The following CYP4V2 variants were observed in gnomAD, a reference collection of about 807,000 sequenced individuals.
CYP4V2 encodes the protein cytochrome P450 4V2.
CYP4V2 carries 55 observed loss-of-function variants against 60.8 expected under a neutral mutation model. That is an observed-to-expected ratio of 0.90 (90% CI 0.73 to 1.13). The LOEUF is 1.13. CYP4V2 is among the 50% of genes most tolerant of loss of function. The probability of loss-of-function intolerance (pLI) is 0.00; values close to 1 mark genes in which losing one functional copy is unlikely to be tolerated. For missense variants in CYP4V2, 675 were observed against 662.9 expected (o/e 1.02, Z -0.20); for synonymous variants, 239 against 236.8 (o/e 1.01, Z -0.08).
intron 5 of CYP4V2, 127 bp from the exon 6 acceptor site, chr4:186,198,830 C>T: frequency 1.4e-6 from 2 of 1,436,024 alleles, no homozygotes; most frequent in Admixed American, 1.8e-5. Flanking sequence ...ACATGGAGCT[C>T]TTAGTAGCCT....
chr4:186,207,542 A>G (rs1303298788), intron 8 of CYP4V2, among the ~76,000 whole-genome samples: 1 of 147,348 alleles, frequency 6.8e-6, no homozygotes, highest in Non-Finnish European at 1.5e-5. Context: ...ATTATATAAT[A>G]TATAAAATAT....
At chr4:186,196,902 G>C (rs761621320) in intron 3 of CYP4V2, 38 bp from the exon 4 acceptor site, 33 of 1,564,770 alleles carry the variant, frequency 2.1e-5, no homozygotes, top group Non-Finnish European at 2.8e-5. Context: ...CTCTCTCTCT[G>C]TAGATATATT....
At chr4:186,206,288 G>C (rs1410842946) in intron 8 of CYP4V2, among the ~76,000 whole-genome samples, 1 of 152,156 alleles carries the variant, frequency 6.6e-6, no homozygotes, top group Non-Finnish European at 1.5e-5. Context: ...ATGGCGTTCA[G>C]GGCTCACCTG....
At chr4:186,192,456 G>A (rs980997862) in intron 1 of CYP4V2, 2 of 344,044 alleles carry the variant, frequency 5.8e-6, no homozygotes, top group African/African-American at 4.3e-5. Context: ...TGGAAAATAA[G>A]AGACTAGAGA....
At chr4:186,209,515 A>T (rs1736642384) in intron 10 of CYP4V2, among the ~76,000 whole-genome samples, 2 of 152,230 alleles carry the variant, frequency 1.3e-5, no homozygotes, top group South Asian at 4.1e-4. Context: ...TGGCTTAAAC[A>T]GCAGAAATTT....
chr4:186,209,125 G>T lies in CYP4V2; in HGVS notation c.1258G>T (p.Val420Phe), dbSNP rs1044405297. Residue 420 changes from valine to phenylalanine, a missense_variant, in exon 10 of 11, where the codon GTC becomes TTC. Physicochemically the swap from Val to Phe is conservative, Grantham distance 50. Transcript: ENST00000378802. ...GYRVLKGTEA[V>F]IIPYALHRDP... ...CAGAGTTCTAAAAGGCACTGAAGCC[G>T]TCATCATTCCCTATGCATTGCACAG... 1 of 1,614,082 alleles carries T rather than the reference G, an allele frequency of 6.2e-7. No homozygotes were observed. Among genetic ancestry groups the T allele is most frequent in the East Asian group, 2.2e-5 (1 of 44,876 alleles).
chr4:186,196,185 A>G, intron 3 of CYP4V2, 97 bp downstream of exon 3: 1 of 1,066,866 alleles, frequency 9.4e-7, no homozygotes, highest in Non-Finnish European at 1.4e-6. Flanking sequence ...CTTTTTCTGT[A>G]GCAGGACTGT....
chr4:186,201,126 G>A, intron 6 of CYP4V2, 31 bp from the exon 7 acceptor site: 1 of 1,611,516 alleles, frequency 6.2e-7, no homozygotes, highest in East Asian at 2.2e-5. Flanking sequence ...AGTCCAAACA[G>A]AAGCATGTGA....
At chr4:186,200,717 G>T (rs1042536092) in intron 6 of CYP4V2, among the ~76,000 whole-genome samples, 1 of 152,106 alleles carries the variant, frequency 6.6e-6, no homozygotes, top group Non-Finnish European at 1.5e-5. Context: ...AGCAGAAATC[G>T]CAAGCATAGA....
Position 186,201,272 on chromosome 4 carries a change from T to C in CYP4V2, c.917T>C (p.Val306Ala), listed in dbSNP as rs1736299125. Reference protein sequence around the residue: ...RRAFLDLLLSVTDDEGNRLSH... With the variant: ...RRAFLDLLLSATDDEGNRLSH... ...GCCTTTCTTGACTTGCTTTTAAGTG[T>C]GACTGATGACGAAGGGAACAGGCTA... Residue 306 changes from valine to alanine, a missense_variant, in exon 7 of 11, where the codon GTG (valine) becomes GCG (alanine). Physicochemically the swap from Val to Ala is moderately conservative, Grantham distance 64. Transcript: ENST00000378802. 6.2e-7 allele frequency: 1 copy of C among 1,614,168 alleles called. No individual in the cohort carries two copies. Among genetic ancestry groups the C allele is most frequent in the Middle Eastern group, 1.6e-4 (1 of 6,062 alleles).
chr4:186,191,747 G>T lies in CYP4V2; in HGVS notation c.-77G>T. ...CCGCGCGGGGAAGTGGGCGGTGTGC[G>T]GCCGGCACCGCCTCGCACCACGCCC... On this transcript the variant is annotated 5_prime_UTR_variant, in exon 1 of 11. Coordinates refer to ENST00000378802, the MANE Select transcript of CYP4V2 (RefSeq NM_207352.4). 5 of 1,301,412 alleles carry T rather than the reference G, an allele frequency of 3.8e-6. No homozygotes were observed. The highest frequency in any genetic ancestry group is 4.9e-6 in the Non-Finnish European group (5 of 1,018,816). 80.6% of individuals were successfully genotyped at this position (1,301,412 alleles called of 1,614,324 possible).
Position 186,197,259 on chromosome 4 carries a change from C to T in CYP4V2, c.604+129C>T, listed in dbSNP as rs1052037375. On this transcript the variant is annotated intron_variant, in intron 4 of 10. Transcript: ENST00000378802. ...TGACGGGCTCTTCAGCGCGGTTCTACGACCGCACTGGCCTTCTGAGGAGCA... is the reference window on the plus strand; with the variant it reads ...TGACGGGCTCTTCAGCGCGGTTCTATGACCGCACTGGCCTTCTGAGGAGCA... 27 of 1,171,836 alleles carry T rather than the reference C, an allele frequency of 2.3e-5. 1 individual carries two copies. Among genetic ancestry groups the T allele is most frequent in the Middle Eastern group, 2.6e-4 (1 of 3,792 alleles). The allele number at this position is 1,171,836 out of a possible 1,614,324, so 72.6% of individuals were successfully genotyped here. A position where few individuals can be genotyped will look rare whatever the true frequency, so the allele number is the denominator to read the frequency against.
At chr4:186,200,842 CATT>C (rs1736284319) in intron 6 of CYP4V2, among the ~76,000 whole-genome samples, 2 of 152,066 alleles carry the variant, frequency 1.3e-5, no homozygotes, top group Non-Finnish European at 2.9e-5. Flanking sequence ...AACTTTTTCT[CATT>C]AGCGCAATCC....
chr4:186,192,655 C>A (rs576532862), intron 1 of CYP4V2, among the ~76,000 whole-genome samples: 1 of 152,286 alleles, frequency 6.6e-6, no homozygotes, highest in African/African-American at 2.4e-5. Context: ...TAATTAAAAT[C>A]ATGTTTTAAA....
chr4:186,210,414 C>T (rs1331098892), intron 10 of CYP4V2, 55 bp from the exon 11 acceptor site: 2 of 1,610,998 alleles, frequency 1.2e-6, no homozygotes, highest in Admixed American at 1.7e-5. Context: ...CCTCTTGTTT[C>T]TCACATTTGG....
Position 186,195,948 on chromosome 4 carries a change from C to T in CYP4V2, c.328-55C>T. 2.4e-6 allele frequency: 3 copies of T among 1,245,520 alleles called. No homozygotes were observed. The highest frequency in any genetic ancestry group is 3.5e-6 in the Non-Finnish European group (3 of 849,276). The allele number at this position is 1,245,520 out of a possible 1,614,324, so 77.2% of individuals were successfully genotyped here. A position where few individuals can be genotyped will look rare whatever the true frequency, so the allele number is the denominator to read the frequency against. ...ATTCTAGCCAGTATTCCTATAATTA[C>T]AGGAAGGTTGTTTGATGTCTGTATG... On this transcript the variant is annotated intron_variant, in intron 2 of 10. Transcript: ENST00000378802. This position sits in a 1 kb window ranked among gnomAD's most constrained non-coding sequence, Gnocchi z 4.1.
chr4:186,201,987 C>A (rs1176081117), intron 7 of CYP4V2: 1 of 152,334 alleles, frequency 6.6e-6, no homozygotes, highest in Non-Finnish European at 1.5e-5. Flanking sequence ...GTGAAAGGCA[C>A]CTGAGTTTTT....
At chr4:186,196,703 CAT>C (rs1473320378) in intron 3 of CYP4V2, 3 of 476,412 alleles carry the variant, frequency 6.3e-6, no homozygotes, top group Non-Finnish European at 1.1e-5. Context: ...CTATTTTAAA[CAT>C]GTATAGAACA....
intron 8 of CYP4V2, among the ~76,000 whole-genome samples, chr4:186,206,242 T>C (rs1276211447): frequency 6.6e-6 from 1 of 152,230 alleles, no homozygotes; most frequent in Non-Finnish European, 1.5e-5. Context: ...TGTGTGCTTG[T>C]GTGTCTTTCA....
Sources: allele counts gnomAD v4.1 joint callset (sites outside exome capture counted in the v4.1 genomes callset), GRCh38; gene constraint gnomAD v4.1.1; non-coding constraint Gnocchi (gnomAD v3.1); transcripts MANE v1.5; gene names NCBI Gene and HGNC (gene_info 2026-07-23, HGNC 2026-07-21).